Variants in TMEFF2 observed in about 807,000 individuals in gnomAD.
The protein encoded by TMEFF2 is tomoregulin-2.
A neutral mutation model predicts 53.8 loss-of-function variants in TMEFF2; 28 were observed. That is an observed-to-expected ratio of 0.52 (90% confidence interval 0.39 to 0.71). The LOEUF (loss-of-function observed/expected upper bound fraction) is 0.71, where lower values mean the gene tolerates loss of function less well. TMEFF2 is among the 30% of genes least tolerant of loss of function. The pLI is 0.00. For synonymous variants in TMEFF2, 162 were observed against 166.3 expected (o/e 0.97, Z 0.20); for missense variants, 353 against 455.2 (o/e 0.78, Z 2.04).
chr2:192,142,144 G>A (rs1317069349), intron 4 of TMEFF2, among the ~76,000 whole-genome samples: 1 of 152,078 alleles, frequency 6.6e-6, no homozygotes, highest in African/African-American at 2.4e-5. Flanking sequence ...GGATCAAAAT[G>A]AGATCTTATT....
chr2:192,030,155 A>C (rs1019585334), intron 5 of TMEFF2, among the ~76,000 whole-genome samples: 2 of 152,234 alleles, frequency 1.3e-5, no homozygotes, highest in Admixed American at 6.5e-5. Context: ...TGCATATCAT[A>C]GTCAATAGTT....
chr2:192,072,447 AT>A (rs560742129), intron 4 of TMEFF2, among the ~76,000 whole-genome samples: 2 of 151,732 alleles, frequency 1.3e-5, no homozygotes, highest in Admixed American at 6.6e-5. Flanking sequence ...AAAGCAACAC[AT>A]TTTTTTTCTA....
chr2:192,037,188 T>C (rs999479340), intron 5 of TMEFF2: 9 of 151,698 alleles, frequency 5.9e-5, no homozygotes, highest in Admixed American at 2.6e-4. Flanking sequence ...TCTTTCTCTT[T>C]AATGCCACTT....
intron 4 of TMEFF2, among the ~76,000 whole-genome samples, chr2:192,059,187 C>T (rs1255119667): frequency 6.6e-6 from 1 of 150,904 alleles, no homozygotes; most frequent in Non-Finnish European, 1.5e-5. Context: ...TCAACGCTTA[C>T]ATTTTTAAAA....
At position 192,194,454 on chromosome 2, in the gene TMEFF2, A is replaced by C; in HGVS notation, c.71T>G (p.Leu24Arg). 1.2e-6 allele frequency: 2 copies of C among 1,614,182 alleles called. No homozygotes were observed. The highest frequency in any genetic ancestry group is 1.7e-6 in the Non-Finnish European group (2 of 1,180,036). The change falls in exon 1 of 10, where the codon CTG (leucine) becomes CGG (arginine). Residue 24 changes from leucine (L) to arginine (R), a missense_variant. Physicochemically the swap from Leu to Arg is moderately radical, Grantham distance 102. Transcript: ENST00000272771. This position sits in a 1 kb window ranked among gnomAD's most constrained non-coding sequence, Gnocchi z 4.2. ...TLCEGFCWLL[L>R]LPVMLLIVAR... ...TACGATGAGTAGCATGACGGGCAGCAGCAGCAGCCAGCAAAAGCCCTCGCA... is the reference window on the plus strand; with the variant it reads ...TACGATGAGTAGCATGACGGGCAGCCGCAGCAGCCAGCAAAAGCCCTCGCA...
intron 3 of TMEFF2, among the ~76,000 whole-genome samples, chr2:192,181,783 G>C (rs1000144257): frequency 6.6e-6 from 1 of 151,642 alleles, no homozygotes; most frequent in Non-Finnish European, 1.5e-5. Context: ...ACTTCAAGGG[G>C]CATGGTCCTT....
intron 4 of TMEFF2, among the ~76,000 whole-genome samples, chr2:192,112,015 G>A (rs946112798): frequency 6.6e-6 from 1 of 152,208 alleles, no homozygotes; most frequent in African/African-American, 2.4e-5. Context: ...CCAGGCAGAA[G>A]CCTGCTGCAT....
At chr2:192,130,472 C>A (rs1375636759) in intron 4 of TMEFF2, among the ~76,000 whole-genome samples, 1 of 152,122 alleles carries the variant, frequency 6.6e-6, no homozygotes, top group East Asian at 1.9e-4. Context: ...ACTGAAGAAT[C>A]ACAAAAGAAG....
At chr2:192,002,400 T>C (rs1686386831) in intron 5 of TMEFF2, among the ~76,000 whole-genome samples, 2 of 152,124 alleles carry the variant, frequency 1.3e-5, no homozygotes, top group South Asian at 4.1e-4. Context: ...ATATATTAAA[T>C]AAATGCAAGA....
intron 4 of TMEFF2, among the ~76,000 whole-genome samples, chr2:192,088,716 C>T (rs938725254): frequency 6.6e-6 from 1 of 152,092 alleles, no homozygotes; most frequent in African/African-American, 2.4e-5. Flanking sequence ...TCTTTTAATT[C>T]ATGCTATTCC....
chr2:191,957,966 A>G (rs942827805), intron 7 of TMEFF2, among the ~76,000 whole-genome samples: 9 of 152,178 alleles, frequency 5.9e-5, no homozygotes, highest in African/African-American at 2.2e-4. Context: ...GTTACTTTGG[A>G]ATTTTGTGGT....
intron 9 of TMEFF2, among the ~76,000 whole-genome samples, chr2:191,952,618 T>A (rs1691920932): frequency 6.6e-6 from 1 of 152,180 alleles, no homozygotes; most frequent in Admixed American, 6.5e-5. Context: ...AAAGCTTTAG[T>A]CAATGACCTG....
At chr2:192,179,775 A>T in intron 3 of TMEFF2, 81 bp from the exon 4 acceptor site, 1 of 1,238,372 alleles carries the variant, frequency 8.1e-7, no homozygotes. Flanking sequence ...TTATTTTCTT[A>T]GTTTAATACT....
intron 7 of TMEFF2, among the ~76,000 whole-genome samples, chr2:191,962,535 A>G (rs1049382489): frequency 6.6e-6 from 1 of 152,220 alleles, no homozygotes; most frequent in Non-Finnish European, 1.5e-5. Context: ...AGTAATTGAA[A>G]TGCAACAATA....
At chr2:192,044,244 T>C (rs1474324570) in intron 5 of TMEFF2, 1 of 152,184 alleles carries the variant, frequency 6.6e-6, no homozygotes, top group African/African-American at 2.4e-5. Context: ...TCTATTACAC[T>C]GGTGACATGA....
At chr2:191,976,066 G>C (rs1685718152) in intron 7 of TMEFF2, among the ~76,000 whole-genome samples, 1 of 152,142 alleles carries the variant, frequency 6.6e-6, no homozygotes, top group South Asian at 2.1e-4. Flanking sequence ...TGTTATCTAA[G>C]TCAAATAGTT....
At position 191,949,610 on chromosome 2, in the gene TMEFF2, G is replaced by A; in HGVS notation, c.*701C>T. The A allele has an allele frequency of 1.0e-6, 1 of 985,306 alleles. No individual in the cohort carries two copies. Among genetic ancestry groups the A allele is most frequent in the Non-Finnish European group, 1.2e-6 (1 of 829,902 alleles). The allele number at this position is 985,306 out of a possible 1,614,324, so 61.0% of individuals were successfully genotyped here. The stretch of plus-strand genomic sequence containing the variant: ...TTCAGATATATGCACTTAACTGGGG[G>A]ATTCTAAGCTACTTCCCCAATAAAA... On this transcript the variant is annotated 3_prime_UTR_variant, in exon 10 of 10. Transcript: ENST00000272771.
At chr2:192,159,718 T>C (rs887075424) in intron 4 of TMEFF2, among the ~76,000 whole-genome samples, 1 of 152,172 alleles carries the variant, frequency 6.6e-6, no homozygotes, top group Non-Finnish European at 1.5e-5. Context: ...TCTTCTTCCA[T>C]CCCTTAATAT....
intron 4 of TMEFF2, among the ~76,000 whole-genome samples, chr2:192,163,454 G>C (rs972052455): frequency 2.0e-5 from 3 of 152,122 alleles, no homozygotes; most frequent in Non-Finnish European, 1.5e-5. Flanking sequence ...ATCCTACATA[G>C]AATATAAATA....
Sources: allele counts gnomAD v4.1 joint callset (sites outside exome capture counted in the v4.1 genomes callset), GRCh38; gene constraint gnomAD v4.1.1; non-coding constraint Gnocchi (gnomAD v3.1); transcripts MANE v1.5; gene names NCBI Gene and HGNC (gene_info 2026-07-23, HGNC 2026-07-21).